Variants in KLF3 observed in about 807,000 individuals in gnomAD.
KLF3 encodes the protein KLF transcription factor 3, also known as Krueppel-like factor 3.
A neutral mutation model predicts 32.7 loss-of-function variants in KLF3; 6 were observed. The ratio of observed to expected loss-of-function variants is 0.18; its 90% CI spans 0.10 to 0.36. The LOEUF (loss-of-function observed/expected upper bound fraction) is 0.36. KLF3 is among the 10% of genes least tolerant of loss of function. The probability of loss-of-function intolerance (pLI) is 1.00; values close to 1 mark genes in which losing one functional copy is unlikely to be tolerated. For synonymous variants in KLF3, 145 were observed against 172.8 expected, an observed-to-expected ratio of 0.84 and a Z score of 1.26; for missense variants, 338 against 449.7, an observed-to-expected ratio of 0.75 and a Z score of 2.25.
intron 1 of KLF3, among the ~76,000 whole-genome samples, chr4:38,676,796 T>C (rs1722366312): frequency 6.6e-6 from 1 of 152,210 alleles, no homozygotes; most frequent in Admixed American, 6.5e-5. Context: ...GGTATTCTAA[T>C]CCTATCATTC....
Position 38,688,586 on chromosome 4 carries a change from C to A in KLF3, c.59C>A (p.Ser20Ter). ...CGTTTTCCTTTTCTTTTCTAATAGT[C>A]ATACCCATCTAATTACATGGAATCC... ...KQEAMDPVSV[S>*]YPSNYMESMK... Residue 20 changes from serine to a stop codon, truncating the protein, a stop_gained and splice_region_variant, in exon 3 of 6, where the codon TCA becomes TAA. Transcript: ENST00000261438. LOFTEE classifies it high-confidence loss of function. This position sits in a 1 kb window ranked among gnomAD's most constrained non-coding sequence, Gnocchi z 4.9. The A allele has an allele frequency of 6.3e-7, 1 of 1,595,908 alleles. No individual in the cohort carries two copies. Among genetic ancestry groups the A allele is most frequent in the South Asian group, 1.1e-5 (1 of 90,422 alleles).
chr4:38,684,246 C>T (rs1722622215), intron 2 of KLF3, among the ~76,000 whole-genome samples: 1 of 152,176 alleles, frequency 6.6e-6, no homozygotes, highest in Non-Finnish European at 1.5e-5. Context: ...GTACCTCTTT[C>T]CCTGTTGCAA....
chr4:38,665,121 T>A (rs1721985783), intron 1 of KLF3, among the ~76,000 whole-genome samples: 1 of 151,960 alleles, frequency 6.6e-6, no homozygotes, highest in South Asian at 2.1e-4. Flanking sequence ...AGCATCCCAT[T>A]CTCGGTTCTG....
chr4:38,677,625 G>A (rs952212297), intron 1 of KLF3, among the ~76,000 whole-genome samples: 4 of 152,158 alleles, frequency 2.6e-5, no homozygotes, highest in African/African-American at 9.7e-5. Context: ...TTGTTGCAGT[G>A]GTACAGTTGT....
intron 2 of KLF3, among the ~76,000 whole-genome samples, chr4:38,683,351 G>A (rs943295579): frequency 6.6e-6 from 1 of 152,160 alleles, no homozygotes; most frequent in Admixed American, 6.5e-5. Flanking sequence ...CTATAGGTTA[G>A]AGAAAGTGAG....
At position 38,676,877 on chromosome 4, in the gene KLF3, G is replaced by T. The variant is rs534828158; in HGVS notation, c.-39-3710G>T. On this transcript the variant is annotated intron_variant, in intron 1 of 5. Transcript: ENST00000261438. ...TTCATCAACATTTGGATTACTTTGA[G>T]GTACATTTCTGGGCAAATAAACATA... is the stretch of plus-strand genomic sequence containing the variant. Among the ~76,000 whole-genome samples, 3 of 151,358 alleles carry T rather than the reference G, an allele frequency of 2.0e-5. No individual in the cohort carries two copies. In the South Asian group the frequency reaches 6.3e-4, roughly 32 times the overall value.
chr4:38,677,878 A>AGTGTGTGTGT (rs56675939), intron 1 of KLF3, among the ~76,000 whole-genome samples: 3,442 of 146,280 alleles, frequency 0.024, 76 homozygotes, highest in Admixed American at 0.063. Flanking sequence ...GGGCAAAAGG[A>AGTGTGTGTGT]GTGTGTGTGT....
intron 5 of KLF3, among the ~76,000 whole-genome samples, chr4:38,695,931 A>T (rs997511034): frequency 7.2e-5 from 11 of 152,152 alleles, no homozygotes; most frequent in Admixed American, 6.5e-4. Flanking sequence ...GGTTTGGAAG[A>T]GAAAAGGGAA....
intron 2 of KLF3, among the ~76,000 whole-genome samples, chr4:38,682,047 T>G (rs551690741): frequency 6.6e-6 from 1 of 152,322 alleles, no homozygotes; most frequent in East Asian, 1.9e-4. Flanking sequence ...CAATAAGGAT[T>G]TTATTAATCA....
At position 38,697,434 on chromosome 4, in the gene KLF3, T is replaced by G. The variant is rs1723072672; in HGVS notation, c.*171T>G. 3 of 562,022 alleles carry G rather than the reference T, an allele frequency of 5.3e-6. No homozygotes were observed. The highest frequency in any genetic ancestry group is 3.0e-6 in the Non-Finnish European group (1 of 334,788). 34.8% of individuals were successfully genotyped at this position (562,022 alleles called of 1,614,324 possible). On this transcript the variant is annotated 3_prime_UTR_variant, in exon 6 of 6. Transcript: ENST00000261438. ...TCCATATGGTCAGTAGTAGATGTTC[T>G]CTAATCCTCCCTCTCCTTACCACGG...
rs1379081196 is a variant in KLF3, at chr4:38,699,130, G to A, written c.*1867G>A. 2 of 152,114 alleles carry A rather than the reference G, an allele frequency of 1.3e-5. No homozygotes were observed. Among genetic ancestry groups the A allele is most frequent in the Non-Finnish European group, 2.9e-5 (2 of 68,032 alleles). The allele number at this position is 152,114 out of a possible 1,614,324, so 9.4% of individuals were successfully genotyped here. A position where few individuals can be genotyped will look rare whatever the true frequency, so the allele number is the denominator to read the frequency against. On this transcript the variant is annotated 3_prime_UTR_variant, in exon 6 of 6. Transcript: ENST00000261438. ...CTGTAAAGAAATGTAGTTAAGAAAT[G>A]CAAAGAAATGTGTTATCTTGGCACT...
intron 1 of KLF3, among the ~76,000 whole-genome samples, chr4:38,677,572 G>C (rs754356198): frequency 1.3e-5 from 2 of 152,194 alleles, no homozygotes; most frequent in Non-Finnish European, 2.9e-5. Flanking sequence ...AAAGCGTGCA[G>C]GATGACATGA....
At position 38,693,068 on chromosome 4, in the gene KLF3, A is replaced by G. The variant is rs577234622; in HGVS notation, c.696-1678A>G. ...GCTGTTTGCACATATATATATATGT[A>G]TATATATACACATATATATACACGT... On this transcript the variant is annotated intron_variant, in intron 4 of 5. Transcript: ENST00000261438. 3.3e-3 allele frequency among the ~76,000 whole-genome samples: 476 copies of G among 145,198 alleles called. 5 individuals are homozygous for G. The highest frequency in any genetic ancestry group is 0.011 in the African/African-American group (430 of 39,696).
intron 2 of KLF3, among the ~76,000 whole-genome samples, chr4:38,683,045 A>T (rs943264313): frequency 6.6e-6 from 1 of 152,194 alleles, no homozygotes; most frequent in Non-Finnish European, 1.5e-5. Context: ...ACAAATTAAA[A>T]AGCTTTTGTT....
chr4:38,697,012 A>G (rs942225940), intron 5 of KLF3, 70 bp from the exon 6 acceptor site: 1 of 1,266,056 alleles, frequency 7.9e-7, no homozygotes, highest in African/African-American at 1.5e-5. Context: ...ATATTTGTCA[A>G]GCATTAACTC....
chr4:38,674,357 GAAGT>G lies in KLF3; in HGVS notation c.-39-6229_-39-6226del, dbSNP rs893033137. ...AAGAGAGAAAAGTTTCTCTGGAAAG[GAAGT>G]TTAGCTACAGGGATGTTGCTTGCCT... On this transcript the variant is annotated intron_variant, in intron 1 of 5. Coordinates refer to ENST00000261438, the MANE Select transcript of KLF3 (RefSeq NM_016531.6). This position sits in a 1 kb window ranked among gnomAD's most constrained non-coding sequence, Gnocchi z 4.1. 1.3e-5 allele frequency among the ~76,000 whole-genome samples: 2 copies of G among 151,890 alleles called. No homozygotes were observed. The highest frequency in any genetic ancestry group is 2.4e-5 in the African/African-American group (1 of 41,340).
intron 2 of KLF3, among the ~76,000 whole-genome samples, chr4:38,684,893 G>C (rs1722646163): frequency 6.6e-6 from 1 of 152,118 alleles, no homozygotes; most frequent in Non-Finnish European, 1.5e-5. Context: ...CCCTAGTGGG[G>C]GCCAGAGGCA....
chr4:38,679,153 A>G (rs1722443248), intron 1 of KLF3, among the ~76,000 whole-genome samples: 1 of 152,216 alleles, frequency 6.6e-6, no homozygotes, highest in Non-Finnish European at 1.5e-5. Context: ...CTCATTTCCT[A>G]ATGAGGAGAA....
At position 38,700,285 on chromosome 4, in the gene KLF3, C is replaced by T. The variant is rs968245702; in HGVS notation, c.*3022C>T. On this transcript the variant is annotated 3_prime_UTR_variant, in exon 6 of 6. Transcript: ENST00000261438. ...ATATGTATATGTATATTTTATTAAA[C>T]ACCCATCTGCACTATCAGTATTGCA... The T allele has an allele frequency of 1.3e-5, 2 of 152,184 alleles. No homozygotes were observed. Among genetic ancestry groups the T allele is most frequent in the African/African-American group, 2.4e-5 (1 of 41,438 alleles). The allele number at this position is 152,184 out of a possible 1,614,324, so 9.4% of individuals were successfully genotyped here. A position where few individuals can be genotyped will look rare whatever the true frequency, so the allele number is the denominator to read the frequency against.
Sources: allele counts gnomAD v4.1 joint callset (sites outside exome capture counted in the v4.1 genomes callset), GRCh38; gene constraint gnomAD v4.1.1; non-coding constraint Gnocchi (gnomAD v3.1); transcripts MANE v1.5; gene names NCBI Gene and HGNC (gene_info 2026-07-23, HGNC 2026-07-21).